The following MEI4 variants were observed in gnomAD, a reference collection of about 807,000 sequenced individuals.
MEI4 encodes meiotic double-stranded break formation protein 4.
MEI4 carries 27 observed loss-of-function variants against 31.4 expected under a neutral mutation model. That is an observed-to-expected ratio of 0.86 (90% CI 0.63 to 1.19). The LOEUF (loss-of-function observed/expected upper bound fraction) is 1.19, where lower values mean the gene tolerates loss of function less well. MEI4 is among the 50% of genes most tolerant of loss of function. The pLI is 0.00. For missense variants in MEI4, 329 were observed against 398.9 expected (o/e 0.82, Z 1.49); for synonymous variants, 122 against 145.4 (o/e 0.84, Z 1.16).
At chr6:77,666,300 G>A (rs1392554071) in intron 1 of MEI4, among the ~76,000 whole-genome samples, 1 of 152,098 alleles carries the variant, frequency 6.6e-6, no homozygotes, top group Non-Finnish European at 1.5e-5. Context: ...GGTGGGGCAG[G>A]AACAAATCAC....
At chr6:77,835,373 A>AACAC (rs149668655) in intron 4 of MEI4, among the ~76,000 whole-genome samples, 1,351 of 96,776 alleles carry the variant, frequency 0.014, 22 homozygotes, top group African/African-American at 0.042. Flanking sequence ...AACAAAACAA[A>AACAC]ACACACACAC....
intron 2 of MEI4, among the ~76,000 whole-genome samples, chr6:77,753,887 G>A (rs540382178): frequency 3.9e-5 from 6 of 152,250 alleles, no homozygotes; most frequent in East Asian, 3.9e-4. Flanking sequence ...CAAAGAAAAT[G>A]TGGCACATAT....
intron 4 of MEI4, among the ~76,000 whole-genome samples, chr6:77,903,362 T>C (rs2127735874): frequency 6.6e-6 from 1 of 152,276 alleles, no homozygotes; most frequent in Non-Finnish European, 1.5e-5. Flanking sequence ...AGCACTTTAT[T>C]ATAAAATAGG....
At chr6:77,677,014 AAATAC>A (rs1225977510) in intron 1 of MEI4, among the ~76,000 whole-genome samples, 3 of 152,170 alleles carry the variant, frequency 2.0e-5, no homozygotes, top group African/African-American at 7.2e-5. Flanking sequence ...TTGTAGGTAA[AAATAC>A]AATGTTAATG....
intron 3 of MEI4, among the ~76,000 whole-genome samples, chr6:77,786,248 G>A (rs975487491): frequency 6.6e-6 from 1 of 152,018 alleles, no homozygotes; most frequent in Non-Finnish European, 1.5e-5. Flanking sequence ...TTGAGTGACT[G>A]TCATGGTAAC....
chr6:77,736,604 T>G (rs1767241713), intron 2 of MEI4, among the ~76,000 whole-genome samples: 1 of 152,086 alleles, frequency 6.6e-6, no homozygotes, highest in African/African-American at 2.4e-5. Context: ...TCTGCGTCGC[T>G]CATGCTGGGA....
intron 2 of MEI4, among the ~76,000 whole-genome samples, chr6:77,728,590 C>T (rs1226794088): frequency 2.6e-5 from 4 of 152,118 alleles, no homozygotes; most frequent in Non-Finnish European, 4.4e-5. Flanking sequence ...ACAAAATAAG[C>T]CAGATTGAAG....
intron 2 of MEI4, among the ~76,000 whole-genome samples, chr6:77,749,648 G>A (rs550010601): frequency 2.0e-5 from 3 of 152,266 alleles, no homozygotes; most frequent in South Asian, 4.1e-4. Flanking sequence ...CTTGATTGGT[G>A]TACCTGAAAG....
intron 4 of MEI4, among the ~76,000 whole-genome samples, chr6:77,894,295 G>A (rs1282468022): frequency 6.6e-6 from 1 of 151,936 alleles, no homozygotes; most frequent in African/African-American, 2.4e-5. Flanking sequence ...AGTACATAAA[G>A]ACCTGACAAG....
intron 2 of MEI4, among the ~76,000 whole-genome samples, chr6:77,746,402 C>T (rs147026925): frequency 1.5e-4 from 23 of 152,190 alleles, no homozygotes; most frequent in Admixed American, 1.2e-3. Flanking sequence ...AAAAGTTAAC[C>T]CTTCCTTAAG....
At position 77,732,001 on chromosome 6, in the gene MEI4, A is replaced by G. The variant is rs1291532009; in HGVS notation, c.233-29129A>G. Reference sequence around the variant, plus strand: ...CATTGATCTATATCTCTGTTTTGGTACCAGTACCATGCTGTTTTGGTTACT... The same window carrying G: ...CATTGATCTATATCTCTGTTTTGGTGCCAGTACCATGCTGTTTTGGTTACT... On this transcript the variant is annotated intron_variant, in intron 2 of 4. Coordinates refer to ENST00000684080, the MANE Select transcript of MEI4 (RefSeq NM_001322247.2). Among the ~76,000 whole-genome samples the G allele has an allele frequency of 2.0e-5, 3 of 147,182 alleles. No homozygotes were observed. In the East Asian group the frequency reaches 6.3e-4, roughly 31 times the overall value.
intron 2 of MEI4, among the ~76,000 whole-genome samples, chr6:77,749,563 T>C (rs1207351975): frequency 1.3e-5 from 2 of 151,702 alleles, no homozygotes; most frequent in Non-Finnish European, 1.5e-5. Flanking sequence ...AAAACAAGAT[T>C]AGAGAAAAAA....
intron 4 of MEI4, among the ~76,000 whole-genome samples, chr6:77,913,059 T>C (rs1158903179): frequency 6.6e-6 from 1 of 152,158 alleles, no homozygotes; most frequent in African/African-American, 2.4e-5. Flanking sequence ...TCTGCATCTA[T>C]TGAGATGATC....
intron 4 of MEI4, among the ~76,000 whole-genome samples, chr6:77,857,626 C>T (rs1770776190): frequency 1.3e-5 from 2 of 152,166 alleles, no homozygotes; most frequent in South Asian, 4.1e-4. Context: ...GACCTTGTCA[C>T]TTTAAATCAC....
rs949558007 is a variant in MEI4 at position 77,925,039 on chromosome 6, G to A, written c.*1693G>A. Reference sequence around the variant, plus strand: ...TATGGAAGTCACTTCAGTTGATATAGCATTACACAAAATCCACTTTCCATG... The same window carrying A: ...TATGGAAGTCACTTCAGTTGATATAACATTACACAAAATCCACTTTCCATG... On this transcript the variant is annotated 3_prime_UTR_variant, in exon 5 of 5. Coordinates refer to ENST00000684080, the MANE Select transcript of MEI4 (RefSeq NM_001322247.2). 1 of 151,838 alleles carries A rather than the reference G, an allele frequency of 6.6e-6. No individual in the cohort carries two copies. Among genetic ancestry groups the A allele is most frequent in the African/African-American group, 2.4e-5 (1 of 41,404 alleles). The allele number at this position is 151,838 out of a possible 1,614,324, so 9.4% of individuals were successfully genotyped here.
In MEI4 at chr6:77,850,169, C is replaced by T. The variant is rs148477619; in HGVS notation, c.900+21107C>T. ...TAGTTCTCCTTGAAGAGGTCCTTCACATCCCTTGTAAGTTGAATATCGTGA... is the reference window on the plus strand; with the variant it reads ...TAGTTCTCCTTGAAGAGGTCCTTCATATCCCTTGTAAGTTGAATATCGTGA... On this transcript the variant is annotated intron_variant, in intron 4 of 4. Transcript: ENST00000684080. Among the ~76,000 whole-genome samples the T allele has an allele frequency of 3.3e-3, 495 of 152,274 alleles. 2 individuals carry two copies. Among genetic ancestry groups the T allele is most frequent in the African/African-American group, 0.012 (484 of 41,572 alleles).
Position 77,665,980 on chromosome 6 carries a change from C to G in MEI4, c.-15+12888C>G, listed in dbSNP as rs367566569. ...GATTTCCCAAGGGAGGTCCCCCGAT[C>G]CGAGTCACGGCACCAAATTTCATGT... On this transcript the variant is annotated intron_variant, in intron 1 of 4. Transcript: ENST00000684080. Among the ~76,000 whole-genome samples, 5 of 152,270 alleles carry G rather than the reference C, an allele frequency of 3.3e-5. No homozygotes were observed. The East Asian group carries it at 9.7e-4, about 30-fold the overall frequency.
chr6:77,785,139 T>C (rs938825595), intron 3 of MEI4, among the ~76,000 whole-genome samples: 2 of 152,208 alleles, frequency 1.3e-5, no homozygotes, highest in Non-Finnish European at 2.9e-5. Flanking sequence ...ATTGGAAATC[T>C]ATATGCCTTC....
Position 77,786,959 on chromosome 6 carries a change from C to T in MEI4, c.768+25294C>T, listed in dbSNP as rs139532581. Among the ~76,000 whole-genome samples the T allele has an allele frequency of 1.4e-3, 213 of 152,284 alleles. 1 individual carries two copies. Among genetic ancestry groups the T allele is most frequent in the African/African-American group, 4.5e-3 (187 of 41,570 alleles). On this transcript the variant is annotated intron_variant, in intron 3 of 4. Transcript: ENST00000684080. ...TATGAAAGCAGTCCTGCCTGCACAG[C>T]TGGGAGACATGCCTATCTGTGTTGC...
Sources: gnomAD v4.1 joint callset for allele counts (sites outside exome capture counted in the v4.1 genomes callset) on GRCh38, gnomAD v4.1.1 for gene constraint, MANE v1.5 for transcripts, NCBI Gene and HGNC (gene_info 2026-07-23, HGNC 2026-07-21) for gene names.